MYCBP2: variants seen among roughly 807,000 people sequenced by gnomAD.
MYCBP2 encodes the protein E3 ubiquitin-protein ligase MYCBP2.
In MYCBP2, 120 loss-of-function variants were observed where a neutral mutation model predicts 525.3. That is an observed-to-expected ratio of 0.23 (90% confidence interval 0.20 to 0.27). The LOEUF is 0.27. Ranked by LOEUF, MYCBP2 falls within the 10% of genes least tolerant of loss-of-function variation. The pLI, the probability that MYCBP2 is intolerant of heterozygous loss-of-function variation, is 1.00. For missense variants in MYCBP2, 4,149 were observed against 5,657.1 expected (o/e 0.73, Z 8.55); for synonymous variants, 1,894 against 1,955.8 (o/e 0.97, Z 0.83).
chr13:77,261,898 A>C (rs1355754481), intron 11 of MYCBP2, among the ~76,000 whole-genome samples, 155 bp downstream of exon 11: 1 of 152,128 alleles, frequency 6.6e-6, no homozygotes, highest in Admixed American at 6.6e-5. Flanking sequence ...TGTTCCCTAC[A>C]TGAATAAAAT....
intron 21 of MYCBP2, among the ~76,000 whole-genome samples, chr13:77,216,867 T>C (rs1054269923): frequency 2.0e-5 from 3 of 152,026 alleles, no homozygotes; most frequent in Non-Finnish European, 4.4e-5. Flanking sequence ...CTAAAGTATG[T>C]AGGAGGTAAC....
rs185675083 is a variant in MYCBP2 at position 77,287,596 on chromosome 13, T to C, written c.594+565A>G. ...GTTCAGTTGGTTCATAGGTGATTTT[T>C]TTTTTTCCTAATCAAGGGAAACCAC... On this transcript the variant is annotated intron_variant, in intron 3 of 82. Transcript: ENST00000544440. Among the ~76,000 whole-genome samples, 716 of 152,250 alleles carry C rather than the reference T, an allele frequency of 4.7e-3. 3 individuals carry two copies. The highest frequency in any genetic ancestry group is 0.015 in the African/African-American group (627 of 41,544).
intron 62 of MYCBP2, among the ~76,000 whole-genome samples, chr13:77,085,408 A>G (rs945174720): frequency 2.0e-5 from 3 of 152,206 alleles, no homozygotes; most frequent in Non-Finnish European, 2.9e-5. Context: ...AATGTAAACA[A>G]CTATATGCAA....
At position 77,288,175 on chromosome 13, in the gene MYCBP2, T is replaced by G; in HGVS notation, c.580A>C (p.Ile194Leu). ...DEEEESKEPP[I>L]KLPKIIEVGL... ...CAGTGGCTTACCTTTGGAAGCTTGA[T>G]AGGGGGCTCTTTGGATTCCTCTTCT... Residue 194 changes from isoleucine to leucine, a missense_variant, in exon 3 of 83, where the codon ATC becomes CTC. Physicochemically the swap from Ile to Leu is conservative, Grantham distance 5. Around this residue, in one of 21 missense-constraint regions of MYCBP2, gnomAD observed 413 missense variants for 451.2 expected, o/e 0.92. Coordinates refer to ENST00000544440, the MANE Select transcript of MYCBP2 (RefSeq NM_015057.5). 1 of 1,614,070 alleles carries G rather than the reference T, an allele frequency of 6.2e-7. No individual in the cohort carries two copies. Among genetic ancestry groups the G allele is most frequent in the South Asian group, 1.1e-5 (1 of 91,072 alleles).
Position 77,224,504 on chromosome 13 carries a change from A to T in MYCBP2, c.2886T>A (p.Tyr962Ter), listed in dbSNP as rs1418495106. 6.2e-7 allele frequency: 1 copy of T among 1,608,528 alleles called. No individual in the cohort carries two copies. The highest frequency in any genetic ancestry group is 8.5e-7 in the Non-Finnish European group (1 of 1,176,954). The change falls in exon 20 of 83, where the codon TAT (tyrosine) becomes TAA (stop). Residue 962 changes from tyrosine (Y) to a stop codon, truncating the protein, a stop_gained. Coordinates refer to ENST00000544440, the MANE Select transcript of MYCBP2 (RefSeq NM_015057.5). LOFTEE classifies it high-confidence loss of function. ...SVVLMENGDV[Y>*]TFGYGQHGQL... The stretch of plus-strand genomic sequence containing the variant: ...GCCCATGCTGCCCATAACCAAATGT[A>T]TAGACATCTCCATTTTCCATTAAAA...
At chr13:77,253,923 T>A (rs1249988834) in intron 14 of MYCBP2, among the ~76,000 whole-genome samples, 1 of 151,896 alleles carries the variant, frequency 6.6e-6, no homozygotes, top group Non-Finnish European at 1.5e-5. Flanking sequence ...CTCACAGGTT[T>A]TCCAGGAAAC....
intron 47 of MYCBP2, among the ~76,000 whole-genome samples, chr13:77,148,566 TACC>T (rs2055985459): frequency 6.6e-6 from 1 of 152,122 alleles, no homozygotes; most frequent in Admixed American, 6.5e-5. Flanking sequence ...TCTCTTTAGC[TACC>T]ATATACTTAA....
At chr13:77,171,778 T>A in intron 37 of MYCBP2, 144 bp from the exon 38 acceptor site, 1 of 704,728 alleles carries the variant, frequency 1.4e-6, no homozygotes, top group Non-Finnish European at 2.3e-6. Context: ...TATACAATAA[T>A]AGGGAATGAT....
At chr13:77,297,228 AT>A (rs1188891802) in intron 1 of MYCBP2, among the ~76,000 whole-genome samples, 1 of 152,258 alleles carries the variant, frequency 6.6e-6, no homozygotes, top group Non-Finnish European at 1.5e-5. Context: ...ACAGAAAAAA[AT>A]ATGTGATAAA....
Position 77,278,802 on chromosome 13 carries a change from C to T in MYCBP2, c.704G>A (p.Gly235Asp), listed in dbSNP as rs1594597368. 1 of 1,589,976 alleles carries T rather than the reference C, an allele frequency of 6.3e-7. No individual in the cohort carries two copies. Residue 235 changes from glycine to aspartate, a missense_variant, in exon 4 of 83, where the codon GGC (glycine) becomes GAC (aspartate). This residue lies in a region of MYCBP2 where 413 missense variants were observed against 451.2 expected (regional missense o/e 0.92). Transcript: ENST00000544440. The part of the protein sequence containing the change: ...SLQALLNVLQ[G>D]QQPEGLQSEP... ...AGACTGGAGGCCTTCTGGCTGCTGG[C>T]CCTGCAGCACGTTGAGCAGGGCTTG...
chr13:77,154,017 T>A (rs2056892643), intron 46 of MYCBP2, among the ~76,000 whole-genome samples: 1 of 152,230 alleles, frequency 6.6e-6, no homozygotes, highest in African/African-American at 2.4e-5. Context: ...CATTGAAATA[T>A]TAGCTGCAAA....
At chr13:77,223,241 G>A (rs548814418) in intron 20 of MYCBP2, among the ~76,000 whole-genome samples, 2 of 152,166 alleles carry the variant, frequency 1.3e-5, no homozygotes, top group African/African-American at 2.4e-5. Flanking sequence ...ATGAATGTTG[G>A]TCTATTCCTG....
At chr13:77,073,456 T>C (rs930448399) in intron 68 of MYCBP2, among the ~76,000 whole-genome samples, 2 of 152,196 alleles carry the variant, frequency 1.3e-5, no homozygotes, top group South Asian at 2.1e-4. Flanking sequence ...GAATGGTTTA[T>C]ACTTTCTTTT....
intron 16 of MYCBP2, among the ~76,000 whole-genome samples, chr13:77,243,568 G>A (rs1354897754): frequency 2.0e-5 from 3 of 149,850 alleles, no homozygotes; most frequent in Non-Finnish European, 4.4e-5. Flanking sequence ...AGCTGAGATT[G>A]AGCTACTGTA....
Position 77,058,300 on chromosome 13 carries a change from C to T in MYCBP2, c.13247G>A (p.Ser4416Asn). 1.2e-6 allele frequency: 2 copies of T among 1,614,148 alleles called. No individual in the cohort carries two copies. Among genetic ancestry groups the T allele is most frequent in the Admixed American group, 3.3e-5 (2 of 60,024 alleles). ...CLPCLHGCDK[S>N]ATSLKQDADD... ...GGCGTCTTGCTTCAGGCTTGTGGCA[C>T]TTTTGTCACAGCCGTGTAGACAGGG... Residue 4416 changes from serine (S) to asparagine (N), a missense_variant, in exon 78 of 83, where the codon AGT becomes AAT. Around this residue, in one of 21 missense-constraint regions of MYCBP2, gnomAD observed 220 missense variants for 396.0 expected, o/e 0.56. Transcript: ENST00000544440. This position sits in a 1 kb window ranked among gnomAD's most constrained non-coding sequence, Gnocchi z 4.1.
chr13:77,190,629 T>C (rs2061210876), intron 28 of MYCBP2, among the ~76,000 whole-genome samples: 1 of 152,124 alleles, frequency 6.6e-6, no homozygotes, highest in Non-Finnish European at 1.5e-5. Flanking sequence ...TACAACTAAG[T>C]AGTATAATAT....
At chr13:77,144,598 T>G in intron 48 of MYCBP2, 38 bp from the exon 49 acceptor site, 1 of 1,388,920 alleles carries the variant, frequency 7.2e-7, no homozygotes, top group Middle Eastern at 1.8e-4. Context: ...AATTTTACTT[T>G]TGGTTAAGCA....
At chr13:77,065,854 C>T in intron 72 of MYCBP2, 138 bp downstream of exon 72, 1 of 512,242 alleles carries the variant, frequency 2.0e-6, no homozygotes. Flanking sequence ...AGACAAACAG[C>T]ATGATAGTTA....
intron 49 of MYCBP2, among the ~76,000 whole-genome samples, chr13:77,141,204 A>T (rs947118734): frequency 2.6e-5 from 4 of 152,174 alleles, no homozygotes; most frequent in Non-Finnish European, 5.9e-5. Flanking sequence ...GAAATGATAC[A>T]GAAAAAATGG....
Sources: gnomAD v4.1 joint callset for allele counts (sites outside exome capture counted in the v4.1 genomes callset) on GRCh38, gnomAD v4.1.1 for gene constraint, gnomAD v4.1.1 regional missense constraint, Gnocchi (gnomAD v3.1) non-coding constraint, MANE v1.5 for transcripts, NCBI Gene and HGNC (gene_info 2026-07-23, HGNC 2026-07-21) for gene names.